Variants in SV2C observed in about 807,000 individuals in gnomAD.
The protein encoded by SV2C is solute carrier family 22 member B3.
In SV2C, 49 loss-of-function variants were observed where a neutral mutation model predicts 79.7. The ratio of observed to expected loss-of-function variants is 0.61; its 90% confidence interval spans 0.49 to 0.78. SV2C has a LOEUF of 0.78. Among genes scored for constraint, SV2C ranks in the 30% least tolerant of loss-of-function variants. The pLI, the probability that SV2C is intolerant of heterozygous loss-of-function variation, is 0.00. For missense variants in SV2C, 833 were observed against 912.9 expected (o/e 0.91, Z 1.13); for synonymous variants, 334 against 333.2 (o/e 1.00, Z -0.03).
the SV2C span, among the ~76,000 whole-genome samples, chr5:75,957,973 G>A: frequency 0.02 from 2,996 of 152,056 alleles, 41 homozygotes; most frequent in Middle Eastern, 0.037. Flanking sequence ...AGATAACTTG[G>A]AAGGCTACCA....
At chr5:75,898,556 T>C in the SV2C span, among the ~76,000 whole-genome samples, 1 of 152,226 alleles carries the variant, frequency 6.6e-6, no homozygotes, top group Admixed American at 6.5e-5. Flanking sequence ...CTGCCCGCCT[T>C]TGGTATCAGG....
the SV2C span, among the ~76,000 whole-genome samples, chr5:76,070,139 G>C: frequency 6.6e-6 from 1 of 152,150 alleles, no homozygotes; most frequent in Non-Finnish European, 1.5e-5. Flanking sequence ...CAGGATGCTA[G>C]GCTTCTCTCA....
intron 4 of SV2C, among the ~76,000 whole-genome samples, chr5:76,219,347 C>T (rs145806318): frequency 2.2e-4 from 33 of 152,216 alleles, no homozygotes; most frequent in African/African-American, 6.5e-4. Context: ...CCTTGGCTTC[C>T]GATTTCCTTC....
chr5:76,132,030 C>G lies in SV2C; in HGVS notation c.280C>G (p.Gln94Glu), dbSNP rs770526798. 3.1e-6 allele frequency: 5 copies of G among 1,612,410 alleles called. No individual in the cohort carries two copies. The highest frequency in any genetic ancestry group is 1.7e-6 in the Non-Finnish European group (2 of 1,179,250). ...EDDEIYEGEY[Q>E]GIPSMNQAKD... The stretch of plus-strand genomic sequence containing the variant: ...TGATGAGATCTATGAGGGGGAGTAT[C>G]AGGGCATCCCCAGTATGAACCAAGC... The change falls in exon 2 of 13, where the codon CAG (glutamine) becomes GAG (glutamate). Residue 94 changes from glutamine (Q) to glutamate (E), a missense_variant. Transcript: ENST00000502798.
intron 1 of SV2C, among the ~76,000 whole-genome samples, chr5:76,121,517 C>G (rs893017888): frequency 6.6e-6 from 1 of 151,464 alleles, no homozygotes; most frequent in Non-Finnish European, 1.5e-5. Context: ...ACGTTTAAGT[C>G]TTTAATCCAT....
the SV2C span, among the ~76,000 whole-genome samples, chr5:75,995,950 A>C: frequency 6.6e-6 from 1 of 152,168 alleles, no homozygotes; most frequent in East Asian, 1.9e-4. Flanking sequence ...TCCAATGTAC[A>C]TGTGGTAGAA....
At chr5:76,169,758 G>A (rs1224730573) in intron 2 of SV2C, among the ~76,000 whole-genome samples, 2 of 152,140 alleles carry the variant, frequency 1.3e-5, no homozygotes, top group Non-Finnish European at 2.9e-5. Context: ...GAATTTGAGG[G>A]GCTTGAGAAA....
chr5:76,298,624 G>A (rs147561057), intron 9 of SV2C, among the ~76,000 whole-genome samples, 170 bp from the exon 10 acceptor site: 159 of 152,272 alleles, frequency 1.0e-3, no homozygotes, highest in South Asian at 1.9e-3. Flanking sequence ...GGTCAGCCTG[G>A]ATGAGAAAAA....
At chr5:75,866,125 A>G in the SV2C span, among the ~76,000 whole-genome samples, 39,620 of 152,140 alleles carry the variant, frequency 0.26, 7,744 homozygotes, top group African/African-American at 0.55. Context: ...GAATGGAAAG[A>G]AAGACAAAGA....
intron 4 of SV2C, among the ~76,000 whole-genome samples, chr5:76,240,371 A>G (rs2112419006): frequency 6.6e-6 from 1 of 152,314 alleles, no homozygotes; most frequent in South Asian, 2.1e-4. Flanking sequence ...TACATTACCA[A>G]CATTTTACCC....
the SV2C span, chr5:75,911,205 C>T: frequency 5.7e-5 from 91 of 1,590,104 alleles, 1 homozygote; most frequent in South Asian, 9.9e-4. Context: ...ATGGCCCTGC[C>T]CAGGCCCAGC....
downstream of SV2C, among the ~76,000 whole-genome samples, chr5:76,338,573 G>C (rs1749371520): frequency 6.6e-6 from 1 of 152,136 alleles, no homozygotes; most frequent in African/African-American, 2.4e-5. Context: ...CCCTCTCTGA[G>C]GGGCTTTGCT....
At chr5:76,244,681 A>G (rs1002146327) in intron 4 of SV2C, among the ~76,000 whole-genome samples, 5 of 152,256 alleles carry the variant, frequency 3.3e-5, no homozygotes, top group Middle Eastern at 3.2e-3. Context: ...TTTAGAGTCC[A>G]TAAAGTTTAC....
intron 2 of SV2C, among the ~76,000 whole-genome samples, chr5:76,143,753 G>GT: frequency 6.6e-6 from 1 of 152,096 alleles, no homozygotes; most frequent in East Asian, 1.9e-4. Context: ...TAGGATTGTG[G>GT]TTTTAACATC....
chr5:76,282,868 C>T (rs920666431), intron 4 of SV2C, among the ~76,000 whole-genome samples: 1 of 151,760 alleles, frequency 6.6e-6, no homozygotes, highest in African/African-American at 2.4e-5. Context: ...AAAAACTAGC[C>T]AGGCATGGTG....
At chr5:75,980,214 G>A in the SV2C span, among the ~76,000 whole-genome samples, 6 of 152,194 alleles carry the variant, frequency 3.9e-5, no homozygotes, top group South Asian at 4.1e-4. Flanking sequence ...TATAATTGAG[G>A]CAGTAATTAA....
In SV2C at chr5:76,327,004, C is replaced by T. The variant is rs920658241; in HGVS notation, c.*1457C>T. ...AACAATATTCCTTTTTTAACTGCCT[C>T]GATAGAGGTTTATTCTTGTTACTTA... is the stretch of plus-strand genomic sequence containing the variant. On this transcript the variant is annotated 3_prime_UTR_variant, in exon 13 of 13. Coordinates refer to ENST00000502798, the MANE Select transcript of SV2C (RefSeq NM_014979.4). 2 of 152,068 alleles carry T rather than the reference C, an allele frequency of 1.3e-5. No individual in the cohort carries two copies. The highest frequency in any genetic ancestry group is 2.9e-5 in the Non-Finnish European group (2 of 68,034). 9.4% of individuals were successfully genotyped at this position (152,068 alleles called of 1,614,324 possible). A position where few individuals can be genotyped will look rare whatever the true frequency, so the allele number is the denominator to read the frequency against.
chr5:76,189,258 G>A lies in SV2C; in HGVS notation c.581-5661G>A, dbSNP rs1295584654. ...TAGGAGAGACGGAGCTTACACTGAT[G>A]TGTAAGCTTTCACAGCTGCTGCCCT... On this transcript the variant is annotated intron_variant, in intron 2 of 12. Coordinates refer to ENST00000502798, the MANE Select transcript of SV2C (RefSeq NM_014979.4). Among the ~76,000 whole-genome samples, 4 of 152,010 alleles carry A rather than the reference G, an allele frequency of 2.6e-5. No individual in the cohort carries two copies. The East Asian group carries it at 5.8e-4, about 22-fold the overall frequency.
intron 1 of SV2C, among the ~76,000 whole-genome samples, chr5:76,089,856 A>G (rs531064337): frequency 6.6e-6 from 1 of 152,324 alleles, no homozygotes; most frequent in East Asian, 1.9e-4. Flanking sequence ...TGAAAAGATG[A>G]TTTTGTAATC....
Sources: allele counts gnomAD v4.1 joint callset (sites outside exome capture counted in the v4.1 genomes callset), GRCh38; gene constraint gnomAD v4.1.1; transcripts MANE v1.5; gene names NCBI Gene and HGNC (gene_info 2026-07-23, HGNC 2026-07-21).